The following ENTPD6 variants were observed in gnomAD, a reference collection of about 807,000 sequenced individuals.
ENTPD6 encodes ectonucleoside triphosphate diphosphohydrolase 6.
In ENTPD6, 46 loss-of-function variants were observed where a neutral mutation model predicts 61.5. The observed-to-expected ratio is 0.75, with a 90% confidence interval of 0.59 to 0.96. The LOEUF is 0.96. ENTPD6 is among the 40% of genes least tolerant of loss of function. ENTPD6 has a pLI of 0.00. For synonymous variants in ENTPD6, 252 were observed against 255.5 expected, an observed-to-expected ratio of 0.99 and a Z score of 0.13; for missense variants, 612 against 629.0, an observed-to-expected ratio of 0.97 and a Z score of 0.29.
chr20:25,206,489 G>C, intron 1 of ENTPD6, 33 bp from the exon 2 acceptor site: 1 of 1,551,604 alleles, frequency 6.4e-7, no homozygotes, highest in Non-Finnish European at 8.9e-7. Flanking sequence ...TGTAGGCTTT[G>C]GAAGTACACA....
chr20:25,209,157 T>G (rs2091763334), intron 3 of ENTPD6, among the ~76,000 whole-genome samples: 2 of 151,252 alleles, frequency 1.3e-5, no homozygotes, highest in African/African-American at 4.9e-5. Flanking sequence ...TCGCCCAGGC[T>G]GGAGTGCAGT....
rs527624665 is a variant in ENTPD6 at position 25,225,897 on chromosome 20, G to C, written c.*300G>C. 13 of 309,154 alleles carry C rather than the reference G, an allele frequency of 4.2e-5. No homozygotes were observed. In the South Asian group the frequency reaches 9.3e-4, roughly 22 times the overall value. The allele number at this position is 309,154 out of a possible 1,614,324, so 19.2% of individuals were successfully genotyped here. A position where few individuals can be genotyped will look rare whatever the true frequency, so the allele number is the denominator to read the frequency against. On this transcript the variant is annotated 3_prime_UTR_variant, in exon 15 of 15. Transcript: ENST00000376652. ...CACTGAGGGGGCAGTGTGGCTCCCT[G>C]CCTGTCCCATCCCCATGCCCCGTCC... is the stretch of plus-strand genomic sequence containing the variant.
At chr20:25,211,211 T>C (rs1168115173) in intron 4 of ENTPD6, among the ~76,000 whole-genome samples, 2 of 152,220 alleles carry the variant, frequency 1.3e-5, no homozygotes, top group African/African-American at 4.8e-5. Flanking sequence ...CGTGTCATGG[T>C]CTCAGACAAT....
intron 5 of ENTPD6, among the ~76,000 whole-genome samples, chr20:25,214,137 G>T (rs1432250046): frequency 2.0e-5 from 3 of 152,158 alleles, no homozygotes; most frequent in Non-Finnish European, 4.4e-5. Flanking sequence ...GTCCCAGCAC[G>T]TCAGGGCCAA....
At chr20:25,205,986 A>G (rs1600531101) in intron 1 of ENTPD6, among the ~76,000 whole-genome samples, 1 of 152,238 alleles carries the variant, frequency 6.6e-6, no homozygotes, top group South Asian at 2.1e-4. Flanking sequence ...CAGTGCAGCC[A>G]TGCTGTCCTT....
chr20:25,211,527 C>T (rs1222925239), intron 4 of ENTPD6, among the ~76,000 whole-genome samples: 2 of 152,212 alleles, frequency 1.3e-5, no homozygotes, highest in African/African-American at 4.8e-5. Context: ...GTATTCTTCT[C>T]CCCATTTTTA....
rs1196650660 is a variant in ENTPD6, at chr20:25,207,062, C to A, written c.55-14C>A. On this transcript the variant is annotated splice_polypyrimidine_tract_variant and intron_variant, in intron 2 of 14. Transcript: ENST00000376652. ...CCTAACGTGCTTTTCCTGCCTCTCCCCCCTTCCCACCAGCAGCCGCAGCAC... is the reference window on the plus strand; with the variant it reads ...CCTAACGTGCTTTTCCTGCCTCTCCACCCTTCCCACCAGCAGCCGCAGCAC... 1 of 1,589,388 alleles carries A rather than the reference C, an allele frequency of 6.3e-7. No homozygotes were observed.
chr20:25,210,153 G>A (rs561114937), intron 4 of ENTPD6, among the ~76,000 whole-genome samples: 100 of 152,340 alleles, frequency 6.6e-4, no homozygotes, highest in African/African-American at 1.6e-3. Context: ...CCGTGCCAGC[G>A]CTCACTTCTC....
At chr20:25,209,083 C>CT (rs981491079) in intron 3 of ENTPD6, among the ~76,000 whole-genome samples, 2 of 142,336 alleles carry the variant, frequency 1.4e-5, no homozygotes, top group African/African-American at 2.6e-5. Context: ...CACCTGGCTA[C>CT]TTTTTTTTTC....
At chr20:25,218,747 C>T (rs2092485931) in intron 10 of ENTPD6, 133 bp downstream of exon 10, 2 of 902,026 alleles carry the variant, frequency 2.2e-6, no homozygotes, top group Admixed American at 5.4e-5. Context: ...CACCCCACTG[C>T]TGTCCCGCTG....
rs143602545 is a variant in ENTPD6, at chr20:25,207,265, C to T, written c.244C>T (p.Arg82Trp). 77 of 1,613,512 alleles carry T rather than the reference C, an allele frequency of 4.8e-5. No individual in the cohort carries two copies. Among genetic ancestry groups the T allele is most frequent in the Middle Eastern group, 1.6e-4 (1 of 6,076 alleles). Reference sequence around the variant, plus strand: ...CATCACCAGGGCAGCCCCGGGGGCCCGGTGGGGTCAGCAGGCCCACAGCCC... The same window carrying T: ...CATCACCAGGGCAGCCCCGGGGGCCTGGTGGGGTCAGCAGGCCCACAGCCC... ...FSITRAAPGA[R>W]WGQQAHSPLG... Residue 82 changes from arginine (R) to tryptophan (W), a missense_variant, in exon 3 of 15, where the codon CGG (arginine) becomes TGG (tryptophan). Physicochemically the swap from Arg to Trp is moderately radical, Grantham distance 101 (BLOSUM62 -3). Coordinates refer to ENST00000376652, the MANE Select transcript of ENTPD6 (RefSeq NM_001247.5).
intron 10 of ENTPD6, among the ~76,000 whole-genome samples, chr20:25,220,985 GGCCCAGTGCCTGGCACCCGGCGT>G (rs1459940710): frequency 6.6e-6 from 1 of 152,220 alleles, no homozygotes; most frequent in Admixed American, 6.5e-5. Flanking sequence ...AACAGCCCTT[GGCCCAGTGCCTGGCACCCGGCGT>G]GCCCAGGGCC....
chr20:25,219,589 G>T (rs1000866914), intron 10 of ENTPD6, among the ~76,000 whole-genome samples: 1 of 152,216 alleles, frequency 6.6e-6, no homozygotes, highest in Non-Finnish European at 1.5e-5. Context: ...AGGGGCTGGG[G>T]CACGGCCCTG....
At chr20:25,223,866 C>T (rs951474929) in intron 12 of ENTPD6, 8 of 377,908 alleles carry the variant, frequency 2.1e-5, no homozygotes, top group African/African-American at 1.5e-4. Context: ...TCTCGGGGGA[C>T]ACTGCAGGGT....
intron 6 of ENTPD6, among the ~76,000 whole-genome samples, chr20:25,215,235 A>G (rs900408246): frequency 5.3e-5 from 8 of 152,240 alleles, no homozygotes; most frequent in African/African-American, 1.9e-4. Context: ...TTTTAAGAAC[A>G]TTTGGAGAGA....
intron 9 of ENTPD6, among the ~76,000 whole-genome samples, chr20:25,218,052 C>CCT (rs1461205287): frequency 6.6e-6 from 1 of 151,636 alleles, no homozygotes; most frequent in Non-Finnish European, 1.5e-5. Context: ...TTCACCCAGA[C>CCT]CTCTCTCTCC....
At position 25,213,288 on chromosome 20, in the gene ENTPD6, TG is replaced by T. The variant is rs772973510; in HGVS notation, c.481del (p.Asp161MetfsTer40). 1 of 1,614,252 alleles carries T rather than the reference TG, an allele frequency of 6.2e-7. No homozygotes were observed. Among genetic ancestry groups the T allele is most frequent in the Admixed American group, 1.7e-5 (1 of 60,028 alleles). On this transcript the variant is annotated frameshift_variant, in exon 5 of 15. Transcript: ENST00000376652. LOFTEE classifies it high-confidence loss of function. Reference protein sequence around the residue: ...EKSAQGIRELLDVAKQDIPFD... With the variant: ...EKSAQGIRELXDVAKQDIPFD... ...AGCGCTCAGGGAATCCGGGAACTAC[TG>T]GATGTTGCTAAACAGGACATTCCGT...
chr20:25,223,027 C>CCGGGGGG, intron 12 of ENTPD6, 49 bp downstream of exon 12: 3 of 490,360 alleles, frequency 6.1e-6, no homozygotes, highest in Non-Finnish European at 9.6e-6. Flanking sequence ...CGGCAGGGGG[C>CCGGGGGG]GGGGGTGGAG....
intron 9 of ENTPD6, 127 bp from the exon 10 acceptor site, chr20:25,218,423 C>A: frequency 2.5e-6 from 2 of 785,634 alleles, no homozygotes; most frequent in Non-Finnish European, 4.3e-6. Context: ...TTAGAAGGAG[C>A]AGAGAAGCTC....
Sources: allele counts gnomAD v4.1 joint callset (sites outside exome capture counted in the v4.1 genomes callset), GRCh38; gene constraint gnomAD v4.1.1; transcripts MANE v1.5; gene names NCBI Gene and HGNC (gene_info 2026-07-23, HGNC 2026-07-21).